MAL2: variants seen among roughly 807,000 people sequenced by gnomAD.
MAL2 encodes protein MAL2.
In MAL2, 17 loss-of-function variants were observed where a neutral mutation model predicts 18.1. The observed-to-expected ratio is 0.94, with a 90% CI of 0.64 to 1.41. The LOEUF (loss-of-function observed/expected upper bound fraction) is 1.41. MAL2 is among the 40% of genes most tolerant of loss of function. The probability of loss-of-function intolerance (pLI) is 0.00; values close to 1 mark genes in which losing one functional copy is unlikely to be tolerated. For missense variants in MAL2, 222 were observed against 231.9 expected, an observed-to-expected ratio of 0.96 and a Z score of 0.28; for synonymous variants, 102 against 102.3, an observed-to-expected ratio of 1.00 and a Z score of 0.02.
intron 2 of MAL2, among the ~76,000 whole-genome samples, chr8:119,234,817 A>G (rs1440024835): frequency 2.0e-5 from 3 of 151,888 alleles, no homozygotes; most frequent in East Asian, 3.9e-4. Flanking sequence ...GTACATCACC[A>G]TCATCAAAGA....
chr8:119,243,417 A>AT lies in MAL2; in HGVS notation c.465dup (p.Ala156CysfsTer66), dbSNP rs1478700426. 1 of 1,585,054 alleles carries AT rather than the reference A, an allele frequency of 6.3e-7. No individual in the cohort carries two copies. The highest frequency in any genetic ancestry group is 8.6e-7 in the Non-Finnish European group (1 of 1,164,096). ...TGAATTTTTGTTTCTTTTTTCTTAGATTTTTGCCTTTATGACGACAGCTTG... is the reference window on the plus strand; with the variant it reads ...TGAATTTTTGTTTCTTTTTTCTTAGATTTTTTGCCTTTATGACGACAGCTTG... On this transcript the variant is annotated frameshift_variant and splice_region_variant, in exon 4 of 4. Transcript: ENST00000614891. LOFTEE classifies it high-confidence loss of function.
At chr8:119,221,405 C>T (rs1587124824) in intron 1 of MAL2, 182 bp from the exon 2 acceptor site, 2 of 651,360 alleles carry the variant, frequency 3.1e-6, no homozygotes, top group East Asian at 2.6e-5. Context: ...ATTGATCTTG[C>T]ACCTGAGGAA....
Position 119,245,426 on chromosome 8 carries a change from G to A in MAL2, c.*1938G>A, listed in dbSNP as rs1019698846. 3.9e-5 allele frequency: 6 copies of A among 152,538 alleles called. No individual in the cohort carries two copies. Among genetic ancestry groups the A allele is most frequent in the African/African-American group, 1.4e-4 (6 of 41,448 alleles). 9.4% of individuals were successfully genotyped at this position (152,538 alleles called of 1,614,324 possible). A position where few individuals can be genotyped will look rare whatever the true frequency, so the allele number is the denominator to read the frequency against. ...TTGGTGGCACTTTTGTAAACAGATT[G>A]CTTCTAGATTGTTACAAACCAAGCC... On this transcript the variant is annotated 3_prime_UTR_variant, in exon 4 of 4. Coordinates refer to ENST00000614891, the MANE Select transcript of MAL2 (RefSeq NM_052886.3).
At chr8:119,210,406 T>C (rs181800481) in intron 1 of MAL2, among the ~76,000 whole-genome samples, 3 of 151,402 alleles carry the variant, frequency 2.0e-5, no homozygotes, top group African/African-American at 7.3e-5. Flanking sequence ...AATTTCCCCC[T>C]CCCCCTCCCC....
chr8:119,234,340 G>A (rs1325841921), intron 2 of MAL2, among the ~76,000 whole-genome samples: 3 of 152,170 alleles, frequency 2.0e-5, no homozygotes. Context: ...TACTAGCACA[G>A]CAGTCTGAGA....
At chr8:119,221,500 A>G in intron 1 of MAL2, 87 bp from the exon 2 acceptor site, 1 of 1,503,584 alleles carries the variant, frequency 6.7e-7, no homozygotes, top group Non-Finnish European at 9.1e-7. Flanking sequence ...AAATGAAGGC[A>G]ATGCTGAGGG....
intron 1 of MAL2, among the ~76,000 whole-genome samples, chr8:119,209,637 C>T (rs1817240670): frequency 6.6e-6 from 1 of 152,192 alleles, no homozygotes; most frequent in Admixed American, 6.5e-5. Context: ...GGCCTTTGAG[C>T]TTGCATAACC....
chr8:119,215,368 G>C (rs972312439), intron 1 of MAL2: 4 of 152,128 alleles, frequency 2.6e-5, no homozygotes, highest in Non-Finnish European at 5.9e-5. Context: ...ATTCTCTTTT[G>C]GAACCATTCA....
At chr8:119,210,525 C>G (rs1817253260) in intron 1 of MAL2, among the ~76,000 whole-genome samples, 1 of 152,080 alleles carries the variant, frequency 6.6e-6, no homozygotes, top group African/African-American at 2.4e-5. Flanking sequence ...CTAATTAAAT[C>G]AGAATCTCTG....
intron 1 of MAL2, among the ~76,000 whole-genome samples, chr8:119,219,281 C>G (rs189508062): frequency 4.6e-5 from 7 of 152,216 alleles, no homozygotes; most frequent in Non-Finnish European, 4.4e-5. Flanking sequence ...TTTATGCTTT[C>G]AAAAATGTTT....
At chr8:119,231,930 G>A (rs763094958) in intron 2 of MAL2, among the ~76,000 whole-genome samples, 29 of 152,110 alleles carry the variant, frequency 1.9e-4, no homozygotes, top group Non-Finnish European at 3.1e-4. Context: ...GGGGACTGGG[G>A]AAATGTTGGT....
intron 1 of MAL2, among the ~76,000 whole-genome samples, chr8:119,210,523 A>G (rs936647890): frequency 2.6e-5 from 4 of 152,186 alleles, no homozygotes; most frequent in African/African-American, 4.8e-5. Flanking sequence ...GACTAATTAA[A>G]TCAGAATCTC....
chr8:119,213,643 A>AC (rs768073436), intron 1 of MAL2, among the ~76,000 whole-genome samples: 1 of 152,006 alleles, frequency 6.6e-6, no homozygotes, highest in Non-Finnish European at 1.5e-5. Flanking sequence ...ACATGGTGAA[A>AC]CCCCCATCTC....
intron 2 of MAL2, among the ~76,000 whole-genome samples, chr8:119,230,059 C>G (rs1319375983): frequency 1.3e-5 from 2 of 152,158 alleles, no homozygotes; most frequent in Non-Finnish European, 2.9e-5. Flanking sequence ...CCAAAATAAG[C>G]AGTTCTGGAT....
At chr8:119,219,255 A>G (rs1587122517) in intron 1 of MAL2, among the ~76,000 whole-genome samples, 1 of 152,342 alleles carries the variant, frequency 6.6e-6, no homozygotes, top group East Asian at 1.9e-4. Context: ...TTTGATTATC[A>G]TTGATCAAGT....
intron 2 of MAL2, among the ~76,000 whole-genome samples, chr8:119,233,529 C>G (rs1379736516): frequency 2.6e-5 from 4 of 152,128 alleles, no homozygotes; most frequent in African/African-American, 9.7e-5. Flanking sequence ...AAACTACCAT[C>G]AGAGAATACT....
At chr8:119,232,813 C>T (rs570358873) in intron 2 of MAL2, among the ~76,000 whole-genome samples, 1 of 152,188 alleles carries the variant, frequency 6.6e-6, no homozygotes, top group South Asian at 2.1e-4. Flanking sequence ...TCCTAATTAA[C>T]ATTGATCTCT....
intron 1 of MAL2, among the ~76,000 whole-genome samples, chr8:119,217,003 C>A (rs1817366829): frequency 6.6e-6 from 1 of 152,184 alleles, no homozygotes; most frequent in Non-Finnish European, 1.5e-5. Context: ...ATAAGACCGT[C>A]CAAACAGGAG....
At position 119,208,423 on chromosome 8, in the gene MAL2, AGGCGGGAGGCGGCGGC is replaced by A. The variant is rs1817217073; in HGVS notation, c.-45_-30del. On this transcript the variant is annotated 5_prime_UTR_variant, in exon 1 of 4. Transcript: ENST00000614891. This position sits in a 1 kb window ranked among gnomAD's most constrained non-coding sequence, Gnocchi z 4.3. ...GCGGCGGCAGGAGCCCGGGAGGCGG[AGGCGGGAGGCGGCGGC>A]GGCGCGCGGAGACGCAGCAGCGGCA... The A allele has an allele frequency of 9.5e-7, 1 of 1,048,514 alleles. No homozygotes were observed. The highest frequency in any genetic ancestry group is 1.7e-5 in the African/African-American group (1 of 58,370). 65.0% of individuals were successfully genotyped at this position (1,048,514 alleles called of 1,614,324 possible).
Sources: allele counts gnomAD v4.1 joint callset (sites outside exome capture counted in the v4.1 genomes callset), GRCh38; gene constraint gnomAD v4.1.1; non-coding constraint Gnocchi (gnomAD v3.1); transcripts MANE v1.5; gene names NCBI Gene and HGNC (gene_info 2026-07-23, HGNC 2026-07-21).